The following MFAP3 variants were observed in gnomAD, a reference collection of about 807,000 sequenced individuals.
The protein encoded by MFAP3 is microfibril-associated glycoprotein 3.
In MFAP3, 8 loss-of-function variants were observed where a neutral mutation model predicts 20.5. The ratio of observed to expected loss-of-function variants is 0.39; its 90% CI spans 0.23 to 0.70. MFAP3 has a LOEUF of 0.70. MFAP3 is among the 30% of genes least tolerant of loss of function. MFAP3 has a pLI of 0.44. For missense variants in MFAP3, 398 were observed against 444.6 expected, an observed-to-expected ratio of 0.90 and a Z score of 0.94; for synonymous variants, 140 against 154.0, an observed-to-expected ratio of 0.91 and a Z score of 0.67.
At chr5:154,040,578 T>G (rs139914634) in intron 1 of MFAP3, among the ~76,000 whole-genome samples, 2 of 152,198 alleles carry the variant, frequency 1.3e-5, no homozygotes, top group Non-Finnish European at 2.9e-5. Context: ...ACCACACTTT[T>G]GAGAATTACA....
chr5:154,051,510 G>A (rs548029635), intron 2 of MFAP3, among the ~76,000 whole-genome samples: 22 of 152,306 alleles, frequency 1.4e-4, no homozygotes, highest in African/African-American at 4.6e-4. Flanking sequence ...CATAAATCTT[G>A]AGCTATTATC....
At position 154,050,014 on chromosome 5, in the gene MFAP3, A is replaced by C. The variant is rs1156458806; in HGVS notation, c.292A>C (p.Arg98=). 3 of 1,602,586 alleles carry C rather than the reference A, an allele frequency of 1.9e-6. No homozygotes were observed. The Admixed American group carries it at 5.0e-5, about 27-fold the overall frequency. ...AGGACAGCAACTGGATGGCAGAAGC[A>C]GAGGTAATTGGTCAGGGTATAATTA... ...SKGQQLDGRS[R]GGKWLVSDNF... is the part of the protein sequence containing the mutation. The change falls in exon 2 of 3, where the codon AGA becomes CGA. Residue 98 remains arginine (R), a synonymous_variant. Transcript: ENST00000522782.
At chr5:154,042,634 C>T (rs936508154) in intron 1 of MFAP3, among the ~76,000 whole-genome samples, 2 of 152,150 alleles carry the variant, frequency 1.3e-5, no homozygotes, top group African/African-American at 4.8e-5. Flanking sequence ...GTAGTGCTAA[C>T]AACCTGCTCT....
Position 154,056,590 on chromosome 5 carries a change from C to G in MFAP3, c.*2877C>G, listed in dbSNP as rs900318280. Among the ~76,000 whole-genome samples the G allele has an allele frequency of 6.6e-6, 1 of 152,150 alleles. No homozygotes were observed. The highest frequency in any genetic ancestry group is 2.4e-5 in the African/African-American group (1 of 41,438). On this transcript the variant is annotated 3_prime_UTR_variant, in exon 3 of 3. Transcript: ENST00000522782. Reference sequence around the variant, plus strand: ...AATGTATTTAAAATAGCTGTCATCTCATTTGTAAATTTTGTCGTGTATTGT... The same window carrying G: ...AATGTATTTAAAATAGCTGTCATCTGATTTGTAAATTTTGTCGTGTATTGT...
chr5:154,042,646 C>A (rs1409868890), intron 1 of MFAP3, among the ~76,000 whole-genome samples: 1 of 152,156 alleles, frequency 6.6e-6, no homozygotes, highest in African/African-American at 2.4e-5. Context: ...ACCTGCTCTT[C>A]ATTTGCTTTT....
chr5:154,054,571 A>G lies in MFAP3; in HGVS notation c.*858A>G, dbSNP rs944425174. 6.0e-6 allele frequency: 1 copy of G among 166,980 alleles called. No homozygotes were observed. Among genetic ancestry groups the G allele is most frequent in the Non-Finnish European group, 1.5e-5 (1 of 68,114 alleles). The allele number at this position is 166,980 out of a possible 1,614,324, so 10.3% of individuals were successfully genotyped here. On this transcript the variant is annotated 3_prime_UTR_variant, in exon 3 of 3. Coordinates refer to ENST00000522782, the MANE Select transcript of MFAP3 (RefSeq NM_005927.5). ...GCTTTTAGAATAAGAACAGTGTCAAATCATCTGTCTTCTGGAAAATCATGG... is the reference window on the plus strand; with the variant it reads ...GCTTTTAGAATAAGAACAGTGTCAAGTCATCTGTCTTCTGGAAAATCATGG...
intron 1 of MFAP3, among the ~76,000 whole-genome samples, chr5:154,040,629 G>C (rs1772914277): frequency 6.6e-6 from 1 of 152,174 alleles, no homozygotes; most frequent in Non-Finnish European, 1.5e-5. Flanking sequence ...AGAAATATGA[G>C]TTTGATTTGT....
At chr5:154,042,325 G>T (rs1772973518) in intron 1 of MFAP3, among the ~76,000 whole-genome samples, 1 of 152,170 alleles carries the variant, frequency 6.6e-6, no homozygotes. Context: ...TAAGTTATGG[G>T]TATAACTGAA....
At chr5:154,046,179 G>A (rs114221071) in intron 1 of MFAP3, among the ~76,000 whole-genome samples, 4,035 of 152,264 alleles carry the variant, frequency 0.026, 84 homozygotes, top group Middle Eastern at 0.051. Context: ...AGGACAACAT[G>A]GTAAATGAAG....
chr5:154,047,892 C>T (rs1486773481), intron 1 of MFAP3, among the ~76,000 whole-genome samples: 2 of 152,148 alleles, frequency 1.3e-5, no homozygotes, highest in Non-Finnish European at 2.9e-5. Flanking sequence ...TAGCCTGTCA[C>T]CGTTGAGAAC....
At chr5:154,045,104 C>T (rs1300973520) in intron 1 of MFAP3, among the ~76,000 whole-genome samples, 1 of 152,020 alleles carries the variant, frequency 6.6e-6, no homozygotes, top group African/African-American at 2.4e-5. Context: ...TTGTATGTGG[C>T]CCAAACCTGA....
At chr5:154,043,539 G>A (rs530108325) in intron 1 of MFAP3, among the ~76,000 whole-genome samples, 3 of 149,814 alleles carry the variant, frequency 2.0e-5, no homozygotes, top group South Asian at 2.2e-4. Flanking sequence ...CAACAAGAGC[G>A]AAACTCCGTC....
chr5:154,051,726 A>G (rs1773195708), intron 2 of MFAP3: 1 of 152,188 alleles, frequency 6.6e-6, no homozygotes, highest in Non-Finnish European at 1.5e-5. Context: ...TAAATATATT[A>G]ATACCTATAG....
rs77520992 is a variant in MFAP3, at chr5:154,049,946, T to C, written c.224T>C (p.Leu75Pro). ...ACTAGCGTTTCAATTGAGTGTCTTC[T>C]CACAGCCAGTCACTATGAAGATGTC... ...EGTSVSIECL[L>P]TASHYEDVHW... The change falls in exon 2 of 3, where the codon CTC (leucine) becomes CCC (proline). Residue 75 changes from leucine (L) to proline (P), a missense_variant. By Grantham distance (98) the Leu-to-Pro change is moderately conservative. Coordinates refer to ENST00000522782, the MANE Select transcript of MFAP3 (RefSeq NM_005927.5). 1 of 1,613,562 alleles carries C rather than the reference T, an allele frequency of 6.2e-7. No individual in the cohort carries two copies. The highest frequency in any genetic ancestry group is 1.7e-5 in the Admixed American group (1 of 59,988).
At chr5:154,050,973 A>G (rs796070129) in intron 2 of MFAP3, among the ~76,000 whole-genome samples, 11 of 152,264 alleles carry the variant, frequency 7.2e-5, no homozygotes, top group African/African-American at 2.6e-4. Context: ...TGAAATAGAA[A>G]AGGATATTGG....
At chr5:154,048,524 A>G (rs1358912386) in intron 1 of MFAP3, among the ~76,000 whole-genome samples, 1 of 152,144 alleles carries the variant, frequency 6.6e-6, no homozygotes, top group Non-Finnish European at 1.5e-5. Context: ...AAAACTAATT[A>G]TCTTGGTGCT....
intron 1 of MFAP3, among the ~76,000 whole-genome samples, chr5:154,039,589 T>C (rs2250995): frequency 0.72 from 109,607 of 152,034 alleles, 39,833 homozygotes; most frequent in East Asian, 0.88. Flanking sequence ...TTGTTTGGAA[T>C]CCAGTGGAAA....
chr5:154,047,704 A>C (rs757761417), intron 1 of MFAP3, among the ~76,000 whole-genome samples: 3 of 152,216 alleles, frequency 2.0e-5, no homozygotes, highest in Non-Finnish European at 4.4e-5. Flanking sequence ...AAATGAGTTG[A>C]TTTAAAAGAA....
intron 1 of MFAP3, among the ~76,000 whole-genome samples, chr5:154,049,202 A>G (rs1773125591): frequency 6.6e-6 from 1 of 152,214 alleles, no homozygotes; most frequent in Non-Finnish European, 1.5e-5. Flanking sequence ...GTTGCATAAA[A>G]TTTGTCAGAA....
Sources: gnomAD v4.1 joint callset for allele counts (sites outside exome capture counted in the v4.1 genomes callset) on GRCh38, gnomAD v4.1.1 for gene constraint, MANE v1.5 for transcripts, NCBI Gene and HGNC (gene_info 2026-07-23, HGNC 2026-07-21) for gene names.